ASTN2: variants seen among roughly 807,000 people sequenced by gnomAD.
The protein encoded by ASTN2 is astrotactin 2.
A neutral mutation model predicts 139.8 loss-of-function variants in ASTN2; 54 were observed. That is an observed-to-expected ratio of 0.39 (90% confidence interval 0.31 to 0.48). The LOEUF (loss-of-function observed/expected upper bound fraction) is 0.48, where lower values mean the gene tolerates loss of function less well. Among genes scored for constraint, ASTN2 ranks in the 20% least tolerant of loss-of-function variants. The pLI is 0.95. For missense variants in ASTN2, 1,565 were observed against 1,725.1 expected (o/e 0.91, Z 1.64); for synonymous variants, 756 against 719.5 (o/e 1.05, Z -0.81).
At chr9:117,357,023 C>G in intron 1 of ASTN2, among the ~76,000 whole-genome samples, 1 of 152,068 alleles carries the variant, frequency 6.6e-6, no homozygotes, top group Non-Finnish European at 1.5e-5. Context: ...GACATCATGC[C>G]ACTGCACTCC....
chr9:116,972,364 AATTT>A (rs1836235552), intron 10 of ASTN2, among the ~76,000 whole-genome samples: 1 of 151,976 alleles, frequency 6.6e-6, no homozygotes, highest in African/African-American at 2.4e-5. Flanking sequence ...ATTATTCCAT[AATTT>A]ATTTATCTAC....
intron 11 of ASTN2, among the ~76,000 whole-genome samples, chr9:116,829,675 C>T (rs1831747086): frequency 6.6e-6 from 1 of 152,156 alleles, no homozygotes; most frequent in African/African-American, 2.4e-5. Flanking sequence ...ATTGCAAGAA[C>T]AGCAAGGGGA....
Position 116,480,903 on chromosome 9 carries a change from C to T in ASTN2, c.3497+6456G>A, listed in dbSNP as rs73655131. On this transcript the variant is annotated intron_variant, in intron 20 of 22. Transcript: ENST00000313400. ...AACATATGGTGTCAGCAGAGGCCAT[C>T]CCACGTGTCACTGCTTAGGTAATGT... 2.8e-4 allele frequency among the ~76,000 whole-genome samples: 43 copies of T among 152,262 alleles called. 1 individual carries two copies. The highest frequency in any genetic ancestry group is 1.0e-3 in the African/African-American group (42 of 41,548).
chr9:117,306,106 G>A (rs545028847), intron 1 of ASTN2, among the ~76,000 whole-genome samples: 1 of 152,230 alleles, frequency 6.6e-6, no homozygotes, highest in South Asian at 2.1e-4. Flanking sequence ...ATATCCTCAG[G>A]GTGTCGGACT....
chr9:117,388,642 G>T (rs2130940635), intron 1 of ASTN2, among the ~76,000 whole-genome samples: 1 of 152,274 alleles, frequency 6.6e-6, no homozygotes, highest in African/African-American at 2.4e-5. Flanking sequence ...GGATGGCTTG[G>T]TTAGGGTGCT....
intron 20 of ASTN2, among the ~76,000 whole-genome samples, chr9:116,485,327 T>C (rs866192351): frequency 6.7e-6 from 1 of 149,752 alleles, no homozygotes. Context: ...AGGGTCAGGA[T>C]TTGAATCCAG....
chr9:116,633,627 G>A (rs1856916291), intron 17 of ASTN2, among the ~76,000 whole-genome samples: 2 of 152,170 alleles, frequency 1.3e-5, no homozygotes, highest in African/African-American at 2.4e-5. Flanking sequence ...TTAAGTTAAT[G>A]GCAAGTTCCT....
At chr9:116,599,227 C>T (rs780787704) in intron 19 of ASTN2, among the ~76,000 whole-genome samples, 1 of 152,184 alleles carries the variant, frequency 6.6e-6, no homozygotes, top group Non-Finnish European at 1.5e-5. Flanking sequence ...CCAGAACTCA[C>T]TATTTTCCAG....
intron 16 of ASTN2, among the ~76,000 whole-genome samples, chr9:116,684,754 C>T (rs1860096033): frequency 6.6e-6 from 1 of 152,162 alleles, no homozygotes; most frequent in Non-Finnish European, 1.5e-5. Flanking sequence ...CAGCCTTTTC[C>T]CATCTTCATA....
intron 16 of ASTN2, among the ~76,000 whole-genome samples, chr9:116,716,627 AG>A (rs1200012626): frequency 6.6e-6 from 1 of 152,208 alleles, no homozygotes; most frequent in Non-Finnish European, 1.5e-5. Context: ...CACTGAGCAG[AG>A]TCCTGGCCCA....
chr9:116,950,638 A>C (rs1353824097), intron 10 of ASTN2, among the ~76,000 whole-genome samples: 1 of 152,172 alleles, frequency 6.6e-6, no homozygotes, highest in African/African-American at 2.4e-5. Flanking sequence ...TCCTTTGGCA[A>C]GCTTCCCTTC....
intron 1 of ASTN2, among the ~76,000 whole-genome samples, chr9:117,383,596 A>C (rs1396254334): frequency 6.6e-6 from 1 of 152,170 alleles, no homozygotes; most frequent in Non-Finnish European, 1.5e-5. Context: ...AACTTGAAGA[A>C]TGAATTCAGC....
intron 19 of ASTN2, chr9:116,543,753 G>T (rs1047373592): frequency 6.6e-6 from 1 of 152,046 alleles, no homozygotes; most frequent in African/African-American, 2.4e-5. Flanking sequence ...TGTGAATTTG[G>T]AGCTGATAGA....
intron 11 of ASTN2, among the ~76,000 whole-genome samples, chr9:116,822,617 T>G (rs893593485): frequency 1.3e-5 from 2 of 152,160 alleles, no homozygotes; most frequent in Admixed American, 6.5e-5. Context: ...CAGGGTATGG[T>G]CTCAGTCCTT....
At chr9:116,594,900 T>G (rs1433444276) in intron 19 of ASTN2, among the ~76,000 whole-genome samples, 1 of 152,202 alleles carries the variant, frequency 6.6e-6, no homozygotes, top group African/African-American at 2.4e-5. Flanking sequence ...CTCAAGTTTT[T>G]TTCATTATAC....
chr9:116,971,360 T>C (rs10759882), intron 10 of ASTN2, among the ~76,000 whole-genome samples: 42,532 of 152,136 alleles, frequency 0.28, 6,220 homozygotes, highest in Admixed American at 0.36. Context: ...TTGCACAAAG[T>C]CAAAGCTTAG....
At chr9:116,470,422 C>CT (rs1848777676) in intron 20 of ASTN2, among the ~76,000 whole-genome samples, 1 of 152,092 alleles carries the variant, frequency 6.6e-6, no homozygotes, top group Non-Finnish European at 1.5e-5. Context: ...GACAAACTGT[C>CT]TGAGTTCACA....
intron 16 of ASTN2, among the ~76,000 whole-genome samples, chr9:116,690,999 A>G (rs11793648): frequency 0.11 from 16,440 of 152,078 alleles, 1,379 homozygotes; most frequent in East Asian, 0.4. Flanking sequence ...AGTTCACTGC[A>G]GCCTCAACCT....
Position 117,363,003 on chromosome 9 carries a change from C to A in ASTN2, c.442+51494G>T, listed in dbSNP as rs144838022. On this transcript the variant is annotated intron_variant, in intron 1 of 22. Coordinates refer to ENST00000313400, the MANE Select transcript of ASTN2 (RefSeq NM_001365068.1). ...TGTGTACCATCATTAGTTTCAATAT[C>A]CAAACCAAATTTGGGGTGGGGATCT... is the stretch of plus-strand genomic sequence containing the variant. Among the ~76,000 whole-genome samples the A allele has an allele frequency of 6.5e-4, 99 of 152,268 alleles. No individual in the cohort carries two copies. The East Asian group carries it at 0.018, about 28-fold the overall frequency.
Sources: gnomAD v4.1 joint callset for allele counts (sites outside exome capture counted in the v4.1 genomes callset) on GRCh38, gnomAD v4.1.1 for gene constraint, MANE v1.5 for transcripts, NCBI Gene and HGNC (gene_info 2026-07-23, HGNC 2026-07-21) for gene names.